Variants in BMP6 observed in about 807,000 individuals in gnomAD.
BMP6 encodes the protein VG-1-R.
BMP6 carries 17 observed loss-of-function variants against 54.1 expected under a neutral mutation model. The ratio of observed to expected loss-of-function variants is 0.31; its 90% CI spans 0.22 to 0.47. The LOEUF is 0.47. Among genes scored for constraint, BMP6 ranks in the 20% least tolerant of loss-of-function variants. BMP6 has a pLI of 1.00. For synonymous variants in BMP6, 328 were observed against 291.2 expected, an observed-to-expected ratio of 1.13 and a Z score of -1.28; for missense variants, 720 against 690.4, an observed-to-expected ratio of 1.04 and a Z score of -0.48.
intron 1 of BMP6, among the ~76,000 whole-genome samples, chr6:7,827,814 CT>C (rs1161540355): frequency 2.0e-5 from 3 of 152,202 alleles, no homozygotes; most frequent in Non-Finnish European, 4.4e-5. Flanking sequence ...TTATTTCTGT[CT>C]TTCTGACTTT....
intron 1 of BMP6, among the ~76,000 whole-genome samples, chr6:7,733,236 G>A (rs1036644657): frequency 1.3e-5 from 2 of 152,122 alleles, no homozygotes; most frequent in East Asian, 1.9e-4. Flanking sequence ...TTAGCACAAC[G>A]TCGTTACAGT....
chr6:7,764,324 T>C (rs544612843), intron 1 of BMP6, among the ~76,000 whole-genome samples: 2 of 152,330 alleles, frequency 1.3e-5, no homozygotes, highest in East Asian at 3.9e-4. Context: ...CTTGTATCTT[T>C]TTCTCGACTA....
intron 1 of BMP6, among the ~76,000 whole-genome samples, chr6:7,774,290 C>T (rs936140736): frequency 1.3e-5 from 2 of 152,180 alleles, no homozygotes; most frequent in African/African-American, 2.4e-5. Flanking sequence ...TGGCTCACGC[C>T]GGTAATCCCA....
At position 7,860,037 on chromosome 6, in the gene BMP6, C is replaced by T. The variant is rs558913917; in HGVS notation, c.858-1414C>T. Among the ~76,000 whole-genome samples the T allele has an allele frequency of 3.3e-5, 5 of 152,272 alleles. No individual in the cohort carries two copies. The East Asian group carries it at 9.7e-4, about 29-fold the overall frequency. Reference sequence around the variant, plus strand: ...TTCATCACAGGTCGTCTTTGGTAATCATCTCAATGAGACAGTATGTTATTA... The same window carrying T: ...TTCATCACAGGTCGTCTTTGGTAATTATCTCAATGAGACAGTATGTTATTA... On this transcript the variant is annotated intron_variant, in intron 2 of 6. Transcript: ENST00000283147.
intron 1 of BMP6, among the ~76,000 whole-genome samples, chr6:7,793,177 A>G (rs1246905135): frequency 6.6e-6 from 1 of 152,144 alleles, no homozygotes. Context: ...CATCCAGACG[A>G]TGGGCTATTC....
intron 1 of BMP6, among the ~76,000 whole-genome samples, chr6:7,796,588 G>GA (rs1217048484): frequency 6.6e-6 from 1 of 151,922 alleles, no homozygotes; most frequent in Non-Finnish European, 1.5e-5. Context: ...ATTCTAATTA[G>GA]AAAAAAACCA....
intron 1 of BMP6, among the ~76,000 whole-genome samples, chr6:7,775,631 A>G (rs1481572179): frequency 6.6e-6 from 1 of 152,170 alleles, no homozygotes; most frequent in Non-Finnish European, 1.5e-5. Context: ...TAGTCAAGGG[A>G]CCGGGTTCAT....
chr6:7,829,970 A>G (rs1034630388), intron 1 of BMP6, among the ~76,000 whole-genome samples: 1 of 152,202 alleles, frequency 6.6e-6, no homozygotes, highest in Non-Finnish European at 1.5e-5. Flanking sequence ...GGGACTGAAA[A>G]TAAGTCATTT....
intron 1 of BMP6, among the ~76,000 whole-genome samples, chr6:7,748,412 T>C (rs982084244): frequency 1.3e-5 from 2 of 152,208 alleles, no homozygotes; most frequent in Non-Finnish European, 2.9e-5. Context: ...ATCATTCTCT[T>C]ATGCTAAGAG....
At chr6:7,747,813 A>T (rs1757368582) in intron 1 of BMP6, among the ~76,000 whole-genome samples, 1 of 144,850 alleles carries the variant, frequency 6.9e-6, no homozygotes, top group African/African-American at 2.5e-5. Context: ...TGACTAGCTA[A>T]TTTTTTTTTT....
intron 1 of BMP6, among the ~76,000 whole-genome samples, chr6:7,832,615 G>A (rs1051553184): frequency 6.6e-5 from 10 of 151,848 alleles, no homozygotes; most frequent in Non-Finnish European, 1.2e-4. Flanking sequence ...CAGCAAAACA[G>A]GAACTGTTAA....
intron 2 of BMP6, among the ~76,000 whole-genome samples, chr6:7,848,602 A>G (rs1343650920): frequency 6.6e-6 from 1 of 152,180 alleles, no homozygotes; most frequent in Non-Finnish European, 1.5e-5. Context: ...CTGTCGTACT[A>G]GTTGGCTGGT....
intron 1 of BMP6, among the ~76,000 whole-genome samples, chr6:7,741,440 C>CTACTAGGACTACTAG (rs1312773126): frequency 1.3e-5 from 2 of 151,018 alleles, no homozygotes; most frequent in Non-Finnish European, 3.0e-5. Flanking sequence ...GACTACTAGG[C>CTACTAGGACTACTAG]GTGTACCACC....
chr6:7,790,514 C>CAAAAAAAAAAAAAA (rs35572440), intron 1 of BMP6, among the ~76,000 whole-genome samples: 2 of 73,506 alleles, frequency 2.7e-5, no homozygotes, highest in Admixed American at 1.7e-4. Flanking sequence ...GACCCTGTCT[C>CAAAAAAAAAAAAAA]AAAAAAAAAA....
intron 1 of BMP6, among the ~76,000 whole-genome samples, chr6:7,832,696 A>G (rs1348849006): frequency 4.0e-5 from 6 of 150,198 alleles, no homozygotes; most frequent in Non-Finnish European, 7.4e-5. Flanking sequence ...ATTAGATATA[A>G]GAACACTGAT....
chr6:7,836,386 G>A (rs557300616), intron 1 of BMP6, among the ~76,000 whole-genome samples: 1 of 152,252 alleles, frequency 6.6e-6, no homozygotes, highest in East Asian at 1.9e-4. Flanking sequence ...TTGGGTGGTG[G>A]TAACATGGAT....
intron 1 of BMP6, among the ~76,000 whole-genome samples, chr6:7,733,916 C>G (rs1174605816): frequency 1.3e-5 from 2 of 152,156 alleles, no homozygotes; most frequent in Non-Finnish European, 2.9e-5. Flanking sequence ...GTGCCATTAA[C>G]CTCTGAAGTT....
At chr6:7,842,219 C>T (rs1046451323) in intron 1 of BMP6, among the ~76,000 whole-genome samples, 7 of 152,170 alleles carry the variant, frequency 4.6e-5, no homozygotes, top group African/African-American at 1.7e-4. Context: ...TGACCAGGTT[C>T]AACTAGGTGG....
chr6:7,810,257 A>G (rs967941833), intron 1 of BMP6, among the ~76,000 whole-genome samples: 28 of 152,152 alleles, frequency 1.8e-4, no homozygotes, highest in African/African-American at 6.8e-4. Context: ...TAACCCCCCA[A>G]CCCACCCTCA....
Sources: allele counts gnomAD v4.1 joint callset (sites outside exome capture counted in the v4.1 genomes callset), GRCh38; gene constraint gnomAD v4.1.1; transcripts MANE v1.5; gene names NCBI Gene and HGNC (gene_info 2026-07-23, HGNC 2026-07-21).